ZNF704: variants seen among roughly 807,000 people sequenced by gnomAD.
ZNF704 encodes the protein glucocorticoid induced gene 1.
A neutral mutation model predicts 44.7 loss-of-function variants in ZNF704; 10 were observed. That is an observed-to-expected ratio of 0.22 (90% CI 0.14 to 0.38). The LOEUF (loss-of-function observed/expected upper bound fraction) is 0.38, where lower values mean the gene tolerates loss of function less well. Among genes scored for constraint, ZNF704 ranks in the 10% least tolerant of loss-of-function variants. ZNF704 has a pLI of 1.00. For synonymous variants in ZNF704, 211 were observed against 207.6 expected, an observed-to-expected ratio of 1.02 and a Z score of -0.14; for missense variants, 390 against 545.5, an observed-to-expected ratio of 0.71 and a Z score of 2.84.
At chr8:80,660,462 T>A in intron 6 of ZNF704, among the ~76,000 whole-genome samples, 5 of 138,958 alleles carry the variant, frequency 3.6e-5, no homozygotes, top group African/African-American at 5.7e-5. Context: ...CAGAGTGAAA[T>A]CTTGTCTCAA....
rs143615918 is a variant in ZNF704 at position 80,728,714 on chromosome 8, C to T, written c.222-35607G>A. On this transcript the variant is annotated intron_variant, in intron 2 of 8. Transcript: ENST00000327835. Reference sequence around the variant, plus strand: ...CCAGGTCTGTTTATTTCTGAAGCAACATGCTATGGTAAAACCTGCAAAAAT... The same window carrying T: ...CCAGGTCTGTTTATTTCTGAAGCAATATGCTATGGTAAAACCTGCAAAAAT... Among the ~76,000 whole-genome samples, 804 of 152,270 alleles carry T rather than the reference C, an allele frequency of 5.3e-3. 7 individuals are homozygous for T. The highest frequency in any genetic ancestry group is 0.018 in the African/African-American group (739 of 41,526).
intron 2 of ZNF704, among the ~76,000 whole-genome samples, chr8:80,769,367 T>C (rs1224460751): frequency 1.3e-5 from 2 of 152,232 alleles, no homozygotes; most frequent in African/African-American, 4.8e-5. Context: ...GTAACTGTAT[T>C]AGTCTGTTTT....
chr8:80,838,113 C>T (rs1403840464), intron 1 of ZNF704, among the ~76,000 whole-genome samples: 3 of 152,172 alleles, frequency 2.0e-5, no homozygotes, highest in African/African-American at 4.8e-5. Context: ...CTCCCTGGCT[C>T]AAATCCCAGG....
rs1473364901 is a variant in ZNF704 at position 80,695,488 on chromosome 8, G to A, written c.222-2381C>T. 2.0e-5 allele frequency among the ~76,000 whole-genome samples: 3 copies of A among 152,162 alleles called. No homozygotes were observed. The South Asian group carries it at 6.2e-4, about 32-fold the overall frequency. On this transcript the variant is annotated intron_variant, in intron 2 of 8. Coordinates refer to ENST00000327835, the MANE Select transcript of ZNF704 (RefSeq NM_001033723.3). Reference sequence around the variant, plus strand: ...GATGACATGATTTGGTAAGGAGAGGGTCCCCTCGCCCCCTCCCCTGATTCT... The same window carrying A: ...GATGACATGATTTGGTAAGGAGAGGATCCCCTCGCCCCCTCCCCTGATTCT...
intron 2 of ZNF704, among the ~76,000 whole-genome samples, chr8:80,744,038 G>C (rs1250524125): frequency 6.6e-6 from 1 of 152,106 alleles, no homozygotes; most frequent in Admixed American, 6.6e-5. Context: ...TTCTAGACTT[G>C]AAACGTGGCT....
At chr8:80,684,926 C>T (rs1446504518) in intron 4 of ZNF704, among the ~76,000 whole-genome samples, 1 of 152,086 alleles carries the variant, frequency 6.6e-6, no homozygotes, top group East Asian at 1.9e-4. Flanking sequence ...ATTCAAAAGG[C>T]CAAGGTAACA....
chr8:80,660,269 G>T (rs2131605595), intron 6 of ZNF704, among the ~76,000 whole-genome samples: 1 of 152,194 alleles, frequency 6.6e-6, no homozygotes, highest in Non-Finnish European at 1.5e-5. Flanking sequence ...CCCAGAGTTT[G>T]AGACCAGCGA....
At chr8:80,826,086 C>T (rs2129906173) in intron 1 of ZNF704, among the ~76,000 whole-genome samples, 1 of 152,064 alleles carries the variant, frequency 6.6e-6, no homozygotes, top group South Asian at 2.1e-4. Flanking sequence ...CAGAGCAGAA[C>T]TGAAAGAAAT....
At chr8:80,864,970 C>G (rs1357389582) in intron 1 of ZNF704, among the ~76,000 whole-genome samples, 2 of 152,058 alleles carry the variant, frequency 1.3e-5, no homozygotes, top group African/African-American at 4.8e-5. Context: ...CCTCTTTGCA[C>G]AAGTAGATAA....
intron 2 of ZNF704, among the ~76,000 whole-genome samples, chr8:80,810,904 C>T (rs1258649714): frequency 6.6e-6 from 1 of 152,124 alleles, no homozygotes; most frequent in South Asian, 2.1e-4. Flanking sequence ...CGTGGATGCT[C>T]CTCCCCGCCA....
At chr8:80,650,614 CA>C (rs1053506566) in intron 7 of ZNF704, among the ~76,000 whole-genome samples, 1 of 151,916 alleles carries the variant, frequency 6.6e-6, no homozygotes, top group South Asian at 2.1e-4. Flanking sequence ...GAAGTTTAGA[CA>C]AAAAAGAATA....
chr8:80,720,114 C>T (rs537447478), intron 2 of ZNF704, among the ~76,000 whole-genome samples: 2 of 152,222 alleles, frequency 1.3e-5, no homozygotes, highest in Non-Finnish European at 2.9e-5. Flanking sequence ...TCCCAGGACA[C>T]TGCTTCCCAC....
chr8:80,868,175 TA>T (rs1809190100), intron 1 of ZNF704, among the ~76,000 whole-genome samples: 1 of 152,228 alleles, frequency 6.6e-6, no homozygotes. Flanking sequence ...GGTTTTTTGG[TA>T]ATGTTCCTTA....
At chr8:80,879,865 GC>G in the ZNF704 span, among the ~76,000 whole-genome samples, 1 of 151,824 alleles carries the variant, frequency 6.6e-6, no homozygotes, top group Non-Finnish European at 1.5e-5. Flanking sequence ...TTTTCTTACA[GC>G]TTTTTTCATG....
At chr8:80,664,114 T>C (rs756812930) in intron 6 of ZNF704, among the ~76,000 whole-genome samples, 3 of 151,886 alleles carry the variant, frequency 2.0e-5, no homozygotes, top group Non-Finnish European at 4.4e-5. Flanking sequence ...TTTTTTGTTT[T>C]TGAAACAGAG....
intron 2 of ZNF704, among the ~76,000 whole-genome samples, chr8:80,763,873 G>A (rs916067984): frequency 1.3e-5 from 2 of 152,060 alleles, no homozygotes; most frequent in Admixed American, 1.3e-4. Flanking sequence ...AGTTACACAG[G>A]TCTCTCTAGG....
chr8:80,748,028 C>A (rs2131701960), intron 2 of ZNF704, among the ~76,000 whole-genome samples: 1 of 152,300 alleles, frequency 6.6e-6, no homozygotes, highest in East Asian at 1.9e-4. Flanking sequence ...TAAAGCACTT[C>A]ATTTTCCTCT....
At chr8:80,741,745 AGGG>A (rs1806761340) in intron 2 of ZNF704, among the ~76,000 whole-genome samples, 1 of 152,202 alleles carries the variant, frequency 6.6e-6, no homozygotes, top group African/African-American at 2.4e-5. Flanking sequence ...ACGCCGCTCG[AGGG>A]GACCTTCTAG....
chr8:80,837,348 G>A (rs1355254040), intron 1 of ZNF704, among the ~76,000 whole-genome samples: 1 of 152,102 alleles, frequency 6.6e-6, no homozygotes, highest in Non-Finnish European at 1.5e-5. Context: ...TAAAATTTAT[G>A]GAGAAAATTG....
Sources: allele counts gnomAD v4.1 joint callset (sites outside exome capture counted in the v4.1 genomes callset), GRCh38; gene constraint gnomAD v4.1.1; transcripts MANE v1.5; gene names NCBI Gene and HGNC (gene_info 2026-07-23, HGNC 2026-07-21).